The following PRKN variants were observed in gnomAD, a reference collection of about 807,000 sequenced individuals.
PRKN encodes the protein E3 ubiquitin-protein ligase parkin.
A neutral mutation model predicts 59.5 loss-of-function variants in PRKN; 56 were observed. That is an observed-to-expected ratio of 0.94 (90% CI 0.76 to 1.18). PRKN has a LOEUF of 1.18. Among genes scored for constraint, PRKN ranks in the 50% most tolerant of loss-of-function variants. The probability of loss-of-function intolerance (pLI) is 0.00; values close to 1 mark genes in which losing one functional copy is unlikely to be tolerated. For missense variants in PRKN, 657 were observed against 596.4 expected (o/e 1.10, Z -1.06); for synonymous variants, 250 against 222.1 (o/e 1.13, Z -1.12).
At chr6:161,598,567 C>T (rs1042616207) in intron 7 of PRKN, among the ~76,000 whole-genome samples, 14 of 152,126 alleles carry the variant, frequency 9.2e-5, no homozygotes, top group African/African-American at 2.7e-4. Flanking sequence ...AACATATACA[C>T]GCATATGATT....
At chr6:162,294,380 G>C (rs764848110) in intron 2 of PRKN, among the ~76,000 whole-genome samples, 6 of 152,124 alleles carry the variant, frequency 3.9e-5, no homozygotes, top group Non-Finnish European at 7.3e-5. Context: ...GAGAAGCAGA[G>C]ACTCTAATTA....
chr6:162,024,587 T>C (rs1187554975), intron 5 of PRKN, among the ~76,000 whole-genome samples: 1 of 152,220 alleles, frequency 6.6e-6, no homozygotes, highest in Non-Finnish European at 1.5e-5. Flanking sequence ...AGATCTTTCA[T>C]CTCCTTGATT....
intron 6 of PRKN, among the ~76,000 whole-genome samples, chr6:161,863,313 C>T (rs1223063355): frequency 6.8e-6 from 1 of 146,554 alleles, no homozygotes; most frequent in East Asian, 2.0e-4. Flanking sequence ...AAACCATGTT[C>T]CTTGGATTTA....
chr6:162,200,105 C>T (rs1426147270), intron 4 of PRKN, among the ~76,000 whole-genome samples: 1 of 152,176 alleles, frequency 6.6e-6, no homozygotes, highest in African/African-American at 2.4e-5. Flanking sequence ...ACATGCCAGT[C>T]ATCACTGGGG....
chr6:161,651,922 T>C (rs934277699), intron 7 of PRKN, among the ~76,000 whole-genome samples: 5 of 152,232 alleles, frequency 3.3e-5, no homozygotes, highest in Non-Finnish European at 7.3e-5. Flanking sequence ...ACAACAGTCA[T>C]CTGTGTTATA....
intron 2 of PRKN, among the ~76,000 whole-genome samples, chr6:162,370,339 G>T (rs191460821): frequency 2.0e-5 from 3 of 152,052 alleles, no homozygotes; most frequent in African/African-American, 7.2e-5. Context: ...TAGAAAAAAA[G>T]GCATAGCATT....
At chr6:162,301,262 C>T (rs950111912) in intron 2 of PRKN, among the ~76,000 whole-genome samples, 1 of 152,072 alleles carries the variant, frequency 6.6e-6, no homozygotes, top group African/African-American at 2.4e-5. Context: ...GAGAGAAGAC[C>T]AGATTCCAGG....
At chr6:161,692,128 T>G (rs1785821394) in intron 7 of PRKN, among the ~76,000 whole-genome samples, 1 of 152,190 alleles carries the variant, frequency 6.6e-6, no homozygotes, top group Admixed American at 6.6e-5. Flanking sequence ...AATATCGGTG[T>G]GGGTTTTGCA....
chr6:161,436,951 ATGAAAATAACAACTAGGATGCTTC>A (rs1287870548), intron 9 of PRKN, among the ~76,000 whole-genome samples: 1 of 152,098 alleles, frequency 6.6e-6, no homozygotes, highest in African/African-American at 2.4e-5. Context: ...AGCAGTGCCT[ATGAAAATAACAACTAGGATGCTTC>A]TGTTACCATC....
At chr6:162,031,535 T>C (rs1268117509) in intron 5 of PRKN, among the ~76,000 whole-genome samples, 2 of 132,380 alleles carry the variant, frequency 1.5e-5, no homozygotes, top group Non-Finnish European at 3.1e-5. Flanking sequence ...TTCTTTTCTT[T>C]TTCTTTTTTT....
At chr6:161,683,441 T>C (rs1785444536) in intron 7 of PRKN, among the ~76,000 whole-genome samples, 1 of 152,168 alleles carries the variant, frequency 6.6e-6, no homozygotes, top group Non-Finnish European at 1.5e-5. Flanking sequence ...GAGCTAGGCA[T>C]CTCTGGGACT....
chr6:161,832,436 C>T (rs758030833), intron 6 of PRKN, among the ~76,000 whole-genome samples: 1 of 151,746 alleles, frequency 6.6e-6, no homozygotes, highest in Non-Finnish European at 1.5e-5. Flanking sequence ...CCATCCTGGC[C>T]AACATGGTGA....
intron 2 of PRKN, among the ~76,000 whole-genome samples, chr6:162,286,259 C>A (rs1465604363): frequency 6.7e-6 from 1 of 149,180 alleles, no homozygotes; most frequent in Non-Finnish European, 1.5e-5. Context: ...GAATCCAAAG[C>A]CTTTCCAAAC....
intron 7 of PRKN, among the ~76,000 whole-genome samples, chr6:161,630,344 C>A (rs185771761): frequency 6.6e-6 from 1 of 152,094 alleles, no homozygotes; most frequent in Non-Finnish European, 1.5e-5. Flanking sequence ...CCCTGTAGAG[C>A]CGTAGATGAG....
chr6:161,455,543 C>G (rs941783943), intron 9 of PRKN, among the ~76,000 whole-genome samples: 1 of 152,104 alleles, frequency 6.6e-6, no homozygotes, highest in Non-Finnish European at 1.5e-5. Context: ...GAAATCACAT[C>G]CGGTCCCTGG....
chr6:162,396,668 C>A (rs892221897), intron 2 of PRKN, among the ~76,000 whole-genome samples: 1 of 152,080 alleles, frequency 6.6e-6, no homozygotes, highest in Non-Finnish European at 1.5e-5. Flanking sequence ...GAACTATTGG[C>A]ACATTTGTTA....
chr6:162,551,345 T>C (rs1562377173), intron 1 of PRKN, among the ~76,000 whole-genome samples: 2 of 152,198 alleles, frequency 1.3e-5, no homozygotes, highest in African/African-American at 4.8e-5. Context: ...TTCGTTAAAG[T>C]GTTATAAACT....
intron 6 of PRKN, among the ~76,000 whole-genome samples, chr6:161,907,780 A>C (rs1778203247): frequency 1.3e-5 from 2 of 152,292 alleles, no homozygotes; most frequent in South Asian, 4.1e-4. Flanking sequence ...CAATTATTAG[A>C]ACATAAAGAA....
chr6:162,067,600 TA>T (rs1778392562), intron 4 of PRKN, among the ~76,000 whole-genome samples: 1 of 152,114 alleles, frequency 6.6e-6, no homozygotes. Flanking sequence ...AAATGTGTTC[TA>T]TAGTCCATCC....
Sources: allele counts gnomAD v4.1 joint callset (sites outside exome capture counted in the v4.1 genomes callset), GRCh38; gene constraint gnomAD v4.1.1; transcripts MANE v1.5; gene names NCBI Gene and HGNC (gene_info 2026-07-23, HGNC 2026-07-21).